Variants in CREB5 observed in about 807,000 individuals in gnomAD.
CREB5 encodes cyclic AMP-responsive element-binding protein 5.
A neutral mutation model predicts 57.1 loss-of-function variants in CREB5; 19 were observed. The observed-to-expected ratio is 0.33, with a 90% CI of 0.23 to 0.49. The LOEUF is 0.49. Among genes scored for constraint, CREB5 ranks in the 20% least tolerant of loss-of-function variants. The pLI, the probability that CREB5 is intolerant of heterozygous loss-of-function variation, is 0.99. For synonymous variants in CREB5, 238 were observed against 238.3 expected (o/e 1.00, Z 0.01); for missense variants, 579 against 671.6 (o/e 0.86, Z 1.52).
intron 5 of CREB5, among the ~76,000 whole-genome samples, chr7:28,713,330 A>G (rs544480795): frequency 6.6e-6 from 1 of 152,354 alleles, no homozygotes; most frequent in South Asian, 2.1e-4. Flanking sequence ...CAGAAGCACC[A>G]TGTCTTTGCA....
chr7:28,400,959 T>C (rs1787449579), intron 1 of CREB5, among the ~76,000 whole-genome samples: 1 of 152,192 alleles, frequency 6.6e-6, no homozygotes, highest in Non-Finnish European at 1.5e-5. Context: ...ATATAAAACA[T>C]TCCTAATTAT....
chr7:28,466,587 C>G (rs1790582324), intron 1 of CREB5, among the ~76,000 whole-genome samples: 1 of 152,108 alleles, frequency 6.6e-6, no homozygotes. Flanking sequence ...CTTTTCGTGT[C>G]ACAAGACCAA....
At chr7:28,707,613 C>T (rs1003443144) in intron 5 of CREB5, among the ~76,000 whole-genome samples, 1 of 152,156 alleles carries the variant, frequency 6.6e-6, no homozygotes, top group Non-Finnish European at 1.5e-5. Flanking sequence ...AGAGGTTTGC[C>T]AGTTCTTCCT....
intron 1 of CREB5, among the ~76,000 whole-genome samples, chr7:28,448,346 A>G (rs961308254): frequency 6.6e-5 from 10 of 152,222 alleles, no homozygotes; most frequent in Non-Finnish European, 1.5e-4. Context: ...CTGTCCCTCT[A>G]GAGAACCCTG....
intron 4 of CREB5, among the ~76,000 whole-genome samples, chr7:28,560,901 C>CAT (rs1562797666): frequency 0.16 from 3,382 of 21,462 alleles, 567 homozygotes; most frequent in Non-Finnish European, 0.19. Flanking sequence ...TGTGTGCGTG[C>CAT]GCGCGTGCGT....
intron 5 of CREB5, among the ~76,000 whole-genome samples, chr7:28,622,081 A>G (rs1027169690): frequency 1.3e-5 from 2 of 152,212 alleles, no homozygotes; most frequent in Non-Finnish European, 1.5e-5. Flanking sequence ...ATATGAAGTC[A>G]TATTTCTTGT....
chr7:28,706,968 G>A (rs1802141731), intron 5 of CREB5, among the ~76,000 whole-genome samples: 2 of 152,156 alleles, frequency 1.3e-5, no homozygotes. Flanking sequence ...AGAAACCTCT[G>A]TGGGGCTCCT....
intron 7 of CREB5, among the ~76,000 whole-genome samples, chr7:28,733,011 T>C (rs1424224651): frequency 2.6e-5 from 4 of 152,186 alleles, no homozygotes; most frequent in Non-Finnish European, 5.9e-5. Context: ...AGATGAATCA[T>C]TAGCTTCACA....
chr7:28,637,151 C>A (rs1798453771), intron 5 of CREB5, among the ~76,000 whole-genome samples: 1 of 151,332 alleles, frequency 6.6e-6, no homozygotes, highest in Non-Finnish European at 1.5e-5. Flanking sequence ...GAAACCCTGT[C>A]TTAAAAAACA....
chr7:28,640,096 T>A (rs536518324), intron 5 of CREB5, among the ~76,000 whole-genome samples: 30 of 152,296 alleles, frequency 2.0e-4, no homozygotes, highest in Middle Eastern at 3.4e-3. Context: ...CAGAGCAGTG[T>A]AGGTGGGTGT....
In CREB5 at chr7:28,417,650, T is replaced by G. The variant is rs182316422; in HGVS notation, c.3+4733T>G. The stretch of plus-strand genomic sequence containing the variant: ...AAAAGCTCCACAAGTGTTTCCAATG[T>G]GTAGCAGAGGTTGAGAACCACGGTT... On this transcript the variant is annotated intron_variant, in intron 1 of 10. Transcript: ENST00000357727. Among the ~76,000 whole-genome samples, 6 of 152,344 alleles carry G rather than the reference T, an allele frequency of 3.9e-5. No individual in the cohort carries two copies. In the East Asian group the frequency reaches 9.6e-4, roughly 24 times the overall value.
intron 1 of CREB5, among the ~76,000 whole-genome samples, chr7:28,386,733 T>G (rs1583413049): frequency 1.3e-5 from 2 of 152,338 alleles, no homozygotes; most frequent in East Asian, 3.9e-4. Context: ...TTTGGTTAAT[T>G]TCTTGAGTGT....
intron 5 of CREB5, among the ~76,000 whole-genome samples, chr7:28,606,172 A>G (rs1336849481): frequency 6.6e-6 from 1 of 152,180 alleles, no homozygotes; most frequent in Non-Finnish European, 1.5e-5. Context: ...CACTTTTCAC[A>G]TTTCATAAGA....
At chr7:28,453,652 C>T (rs1165150223) in intron 1 of CREB5, among the ~76,000 whole-genome samples, 2 of 152,202 alleles carry the variant, frequency 1.3e-5, no homozygotes, top group Non-Finnish European at 2.9e-5. Context: ...AGGCCCATAA[C>T]ACCCCTCCAA....
chr7:28,810,769 G>A (rs1232674883), intron 9 of CREB5, among the ~76,000 whole-genome samples: 2 of 152,170 alleles, frequency 1.3e-5, no homozygotes, highest in Non-Finnish European at 2.9e-5. Context: ...CTAGTTCTCT[G>A]TGCATCCTTA....
Position 28,823,117 on chromosome 7 carries a change from A to G in CREB5, c.*3838A>G, listed in dbSNP as rs560488118. 6.5e-6 allele frequency: 1 copy of G among 152,758 alleles called. No individual in the cohort carries two copies. Among genetic ancestry groups the G allele is most frequent in the Admixed American group, 6.5e-5 (1 of 15,310 alleles). The allele number at this position is 152,758 out of a possible 1,614,324, so 9.5% of individuals were successfully genotyped here. On this transcript the variant is annotated 3_prime_UTR_variant, in exon 11 of 11. Coordinates refer to ENST00000357727, the MANE Select transcript of CREB5 (RefSeq NM_182898.4). ...GTAAGTTGAGTTTGTCATTAAAATC[A>G]TAAACCAGCTGCGGTAACAGACAAG...
At chr7:28,763,318 T>G (rs1177250395) in intron 7 of CREB5, among the ~76,000 whole-genome samples, 1 of 152,212 alleles carries the variant, frequency 6.6e-6, no homozygotes, top group Admixed American at 6.5e-5. Flanking sequence ...GCCTGTTTCT[T>G]TTTAGGACTG....
At chr7:28,339,093 T>C (rs1045701452) in intron 1 of CREB5, among the ~76,000 whole-genome samples, 1 of 152,192 alleles carries the variant, frequency 6.6e-6, no homozygotes, top group African/African-American at 2.4e-5. Flanking sequence ...AAAGGCCACA[T>C]ATCTTTGTCT....
chr7:28,431,982 C>CTTTTTTTTT (rs34222908), intron 1 of CREB5, among the ~76,000 whole-genome samples: 1 of 124,912 alleles, frequency 8.0e-6, no homozygotes, highest in Non-Finnish European at 1.7e-5. Context: ...ACAGCTATGC[C>CTTTTTTTTT]TTTTTTTTTT....
Sources: gnomAD v4.1 joint callset for allele counts (sites outside exome capture counted in the v4.1 genomes callset) on GRCh38, gnomAD v4.1.1 for gene constraint, MANE v1.5 for transcripts, NCBI Gene and HGNC (gene_info 2026-07-23, HGNC 2026-07-21) for gene names.